The following DHX37 variants were observed in gnomAD, a reference collection of about 807,000 sequenced individuals.
DHX37 encodes the protein DEAH-box helicase 37, also known as probable ATP-dependent RNA helicase DHX37.
DHX37 carries 52 observed loss-of-function variants against 134.3 expected under a neutral mutation model. The observed-to-expected ratio is 0.39, with a 90% CI of 0.31 to 0.49. The LOEUF (loss-of-function observed/expected upper bound fraction) is 0.49. Among genes scored for constraint, DHX37 ranks in the 20% least tolerant of loss-of-function variants. The pLI is 0.93. For missense variants in DHX37, 1,344 were observed against 1,580.8 expected, an observed-to-expected ratio of 0.85 and a Z score of 2.54; for synonymous variants, 634 against 670.7, an observed-to-expected ratio of 0.95 and a Z score of 0.85.
In DHX37 at chr12:124,954,142, C is replaced by T; in HGVS notation, c.2523G>A (p.Arg841=). 1 of 1,612,760 alleles carries T rather than the reference C, an allele frequency of 6.2e-7. No homozygotes were observed. The highest frequency in any genetic ancestry group is 8.5e-7 in the Non-Finnish European group (1 of 1,179,484). Residue 841 remains arginine, a synonymous_variant, in exon 19 of 27, where the codon AGG becomes AGA. Coordinates refer to ENST00000308736, the MANE Select transcript of DHX37 (RefSeq NM_032656.4). Reference sequence around the variant, plus strand: ...GAGAAGCCCCCTGCCCTGCCCAGGTCCTCTTCATCTGGGCCACCCGGGCCC... The same window carrying T: ...GAGAAGCCCCCTGCCCTGCCCAGGTTCTCTTCATCTGGGCCACCCGGGCCC... ...SKRARVAQMK[R]TWAGQGASLK...
chr12:124,948,242 G>T, intron 25 of DHX37, 61 bp from the exon 26 acceptor site: 1 of 1,566,650 alleles, frequency 6.4e-7, no homozygotes, highest in Non-Finnish European at 8.7e-7. Flanking sequence ...CTGCTGCTGG[G>T]GGCCCGAAAG....
rs760242962 is a variant in DHX37 at position 124,956,893 on chromosome 12, T to G, written c.2265-14A>C. 2.2e-5 allele frequency: 35 copies of G among 1,575,928 alleles called. No homozygotes were observed. The highest frequency in any genetic ancestry group is 2.9e-5 in the Non-Finnish European group (34 of 1,154,806). ...AGTTGCTTCACCCTGGAGATGGAGG[T>G]GGTGGTGGCAGTGCTCTGAGAGGAG... On this transcript the variant is annotated splice_polypyrimidine_tract_variant and intron_variant, in intron 17 of 26. Coordinates refer to ENST00000308736, the MANE Select transcript of DHX37 (RefSeq NM_032656.4).
At chr12:124,952,592 A>T (rs770586380) in intron 20 of DHX37, 22 bp from the exon 21 acceptor site, 2 of 1,551,540 alleles carry the variant, frequency 1.3e-6, no homozygotes, top group South Asian at 1.2e-5. Context: ...ACCAAGAGTG[A>T]GGTCGGTGGT....
chr12:124,985,649 AG>A (rs1343055060), intron 2 of DHX37, among the ~76,000 whole-genome samples: 2 of 151,166 alleles, frequency 1.3e-5, no homozygotes, highest in Non-Finnish European at 2.9e-5. Flanking sequence ...CAGGAGGCTG[AG>A]GCAGGAGAAT....
intron 4 of DHX37, among the ~76,000 whole-genome samples, chr12:124,979,848 G>A (rs1594509085): frequency 6.6e-6 from 1 of 152,216 alleles, no homozygotes; most frequent in East Asian, 1.9e-4. Flanking sequence ...GCACTTTGGG[G>A]TCATTTGCTA....
chr12:124,988,370 T>C (rs2135978011), intron 1 of DHX37, among the ~76,000 whole-genome samples: 1 of 152,312 alleles, frequency 6.6e-6, no homozygotes, highest in African/African-American at 2.4e-5. Flanking sequence ...TGGCCTCTTC[T>C]GTTTTATCTG....
At chr12:124,953,574 A>G (rs936193876) in intron 20 of DHX37, 11 of 373,634 alleles carry the variant, frequency 2.9e-5, no homozygotes, top group Non-Finnish European at 5.0e-5. Flanking sequence ...TGTGGGAGGG[A>G]AGAGGGGTCC....
Position 124,989,007 on chromosome 12 carries a change from G to C in DHX37, c.16C>G (p.Arg6Gly). 1 of 1,371,336 alleles carries C rather than the reference G, an allele frequency of 7.3e-7. No homozygotes were observed. The allele number at this position is 1,371,336 out of a possible 1,614,324, so 84.9% of individuals were successfully genotyped here. The change falls in exon 1 of 27, where the codon CGG becomes GGG. Residue 6 changes from arginine to glycine, a missense_variant. Arg to Gly is a moderately radical substitution (Grantham distance 125). Transcript: ENST00000308736. ...TGGCGCCCCTTGATGTTGTAGCGCC[G>C]GCGCAGCTTCCCCATGGCGACTAGG... is the stretch of plus-strand genomic sequence containing the variant. MGKLR[R>G]RYNIKGRQQA...
chr12:124,983,276 A>AT (rs1487499809), intron 2 of DHX37, among the ~76,000 whole-genome samples: 6 of 151,686 alleles, frequency 4.0e-5, no homozygotes, highest in Non-Finnish European at 5.9e-5. Context: ...TGCCTGGCTA[A>AT]TTTTTTGTAT....
chr12:124,970,337 G>T (rs188067095), intron 8 of DHX37, among the ~76,000 whole-genome samples: 2 of 152,340 alleles, frequency 1.3e-5, no homozygotes, highest in Admixed American at 1.3e-4. Context: ...TGCACACTCT[G>T]TGAACGGACT....
chr12:124,969,320 G>C (rs555025993), intron 8 of DHX37, among the ~76,000 whole-genome samples: 1 of 152,130 alleles, frequency 6.6e-6, no homozygotes, highest in African/African-American at 2.4e-5. Context: ...GGGGTCTGTG[G>C]GGGGTGGGAG....
At position 124,980,993 on chromosome 12, in the gene DHX37, T is replaced by A; in HGVS notation, c.390-155A>T. ...TGCAGATACCTCCTCTCACTCCACTTAAGCCTCTGCTTAAGCACTAGCTGT... is the reference window on the plus strand; with the variant it reads ...TGCAGATACCTCCTCTCACTCCACTAAAGCCTCTGCTTAAGCACTAGCTGT... On this transcript the variant is annotated intron_variant, in intron 3 of 26. Transcript: ENST00000308736. The surrounding 1 kb of genome is among the most constrained non-coding windows in gnomAD (Gnocchi z 5.3). 1 of 338,900 alleles carries A rather than the reference T, an allele frequency of 3.0e-6. No individual in the cohort carries two copies. Among genetic ancestry groups the A allele is most frequent in the Non-Finnish European group, 4.2e-6 (1 of 239,094 alleles). The allele number at this position is 338,900 out of a possible 1,614,324, so 21.0% of individuals were successfully genotyped here. A position where few individuals can be genotyped will look rare whatever the true frequency, so the allele number is the denominator to read the frequency against.
In DHX37 at chr12:124,971,285, C is replaced by T. The variant is rs376807980; in HGVS notation, c.1191+17G>A. 2.2e-5 allele frequency: 35 copies of T among 1,609,364 alleles called. No homozygotes were observed. The African/African-American group carries it at 3.3e-4, about 15-fold the overall frequency. On this transcript the variant is annotated intron_variant, in intron 8 of 26. Coordinates refer to ENST00000308736, the MANE Select transcript of DHX37 (RefSeq NM_032656.4). Reference sequence around the variant, plus strand: ...GCCTAGGGCTCGGGGCTCCCCAGCACCCGCCTCCTGCGCTACCTTAGCCCG... The same window carrying T: ...GCCTAGGGCTCGGGGCTCCCCAGCATCCGCCTCCTGCGCTACCTTAGCCCG...
At chr12:124,967,304 G>T in intron 10 of DHX37, 86 bp from the exon 11 acceptor site, 1 of 1,440,754 alleles carries the variant, frequency 6.9e-7, no homozygotes. Flanking sequence ...CATGCTCTGA[G>T]AGGCAAGGTT....
At chr12:124,968,809 G>T in intron 9 of DHX37, 58 bp downstream of exon 9, 1 of 1,606,632 alleles carries the variant, frequency 6.2e-7, no homozygotes, top group East Asian at 2.2e-5. Context: ...GGGGGCTCCC[G>T]ACACCAGGGC....
intron 25 of DHX37, 98 bp from the exon 26 acceptor site, chr12:124,948,279 C>T (rs1411766140): frequency 6.7e-7 from 1 of 1,494,114 alleles, no homozygotes; most frequent in Non-Finnish European, 8.9e-7. Flanking sequence ...ACCCCACCAG[C>T]CCCACCCAGG....
chr12:124,982,416 C>T, intron 3 of DHX37, 95 bp downstream of exon 3: 2 of 1,489,258 alleles, frequency 1.3e-6, no homozygotes, highest in East Asian at 4.7e-5. Context: ...GGTATTTTCT[C>T]AAATGTTCCA....
rs368318256 is a variant in DHX37 at position 124,975,420 on chromosome 12, G to A, written c.979C>T (p.Arg327Trp). Residue 327 changes from arginine (R) to tryptophan (W), a missense_variant and splice_region_variant, in exon 6 of 27, where the codon CGG becomes TGG. Physicochemically the swap from Arg to Trp is moderately radical, Grantham distance 101 (BLOSUM62 -3). This residue lies in a region of DHX37 where 32 missense variants were observed against 28.9 expected (regional missense o/e 1.11). Coordinates refer to ENST00000308736, the MANE Select transcript of DHX37 (RefSeq NM_032656.4). Reference sequence around the variant, plus strand: ...GCCCCAGGGAAGTAGAGCCCTCACCGCTGGGACAGATTCATCTCCTTGGCC... The same window carrying A: ...GCCCCAGGGAAGTAGAGCCCTCACCACTGGGACAGATTCATCTCCTTGGCC... ...RVAKEMNLSQRVVSYQIRYEG... is the reference protein window; with the variant it reads ...RVAKEMNLSQWVVSYQIRYEG... 1.9e-5 allele frequency: 31 copies of A among 1,612,678 alleles called. No homozygotes were observed. The highest frequency in any genetic ancestry group is 1.6e-4 in the Middle Eastern group (1 of 6,084).
At chr12:124,956,927 C>G in intron 17 of DHX37, 48 bp from the exon 18 acceptor site, 1 of 1,547,184 alleles carries the variant, frequency 6.5e-7, no homozygotes, top group Non-Finnish European at 8.8e-7. Context: ...AGCTCTGGAG[C>G]CACAGCTGGG....
Sources: allele counts gnomAD v4.1 joint callset (sites outside exome capture counted in the v4.1 genomes callset), GRCh38; gene constraint gnomAD v4.1.1; regional missense constraint gnomAD v4.1.1; non-coding constraint Gnocchi (gnomAD v3.1); transcripts MANE v1.5; gene names NCBI Gene and HGNC (gene_info 2026-07-23, HGNC 2026-07-21).